The following SLC35F4 variants were observed in gnomAD, a reference collection of about 807,000 sequenced individuals.
SLC35F4 encodes the protein solute carrier family 35 member F4, also known as chromosome 14 open reading frame 36.
A neutral mutation model predicts 44.2 loss-of-function variants in SLC35F4; 24 were observed. That is an observed-to-expected ratio of 0.54 (90% confidence interval 0.39 to 0.76). The LOEUF (loss-of-function observed/expected upper bound fraction) is 0.76, where lower values mean the gene tolerates loss of function less well. Among genes scored for constraint, SLC35F4 ranks in the 30% least tolerant of loss-of-function variants. The probability of loss-of-function intolerance (pLI) is 0.00; values close to 1 mark genes in which losing one functional copy is unlikely to be tolerated. For synonymous variants in SLC35F4, 238 were observed against 223.6 expected (o/e 1.06, Z -0.57); for missense variants, 562 against 586.1 (o/e 0.96, Z 0.42).
intron 1 of SLC35F4, among the ~76,000 whole-genome samples, chr14:57,821,604 T>G (rs2140911707): frequency 6.6e-6 from 1 of 152,334 alleles, no homozygotes. Flanking sequence ...CAAGTAAAGT[T>G]TATCCGTGGA....
chr14:57,944,779 A>G (rs1269908263), intron 1 of SLC35F4, among the ~76,000 whole-genome samples: 1 of 151,852 alleles, frequency 6.6e-6, no homozygotes, highest in Non-Finnish European at 1.5e-5. Flanking sequence ...AAGAAAAGAA[A>G]AAAGAAAAGA....
In SLC35F4 at chr14:57,895,581, A is replaced by ACT. The variant is rs373339951; in HGVS notation, n.282+86330_282+86331dup. Among the ~76,000 whole-genome samples the ACT allele has an allele frequency of 6.0e-3, 785 of 131,738 alleles. 8 individuals carry two copies. The highest frequency in any genetic ancestry group is 0.024 in the Middle Eastern group (6 of 252). 86.4% of individuals were successfully genotyped at this position (131,738 alleles called of 152,430 possible). ...CTTACCCCTTCTCTCTCGCTCTCTC[A>ACT]CTCTCTCTCTCTCTCTCTCTCTGTC... On this transcript the variant is annotated intron_variant and non_coding_transcript_variant, in intron 1 of 1. Coordinates refer to the SLC35F4 transcript ENST00000556568.
At chr14:57,582,349 C>G (rs1034050498) in intron 3 of SLC35F4, among the ~76,000 whole-genome samples, 2 of 152,134 alleles carry the variant, frequency 1.3e-5, no homozygotes, top group African/African-American at 4.8e-5. Context: ...GCACGCACCA[C>G]CATGCCAGGC....
At chr14:57,572,264 A>T (rs771156599) in intron 4 of SLC35F4, among the ~76,000 whole-genome samples, 3 of 152,098 alleles carry the variant, frequency 2.0e-5, no homozygotes, top group African/African-American at 7.2e-5. Flanking sequence ...TTTTTAATAT[A>T]TTTTTACTTT....
intron 1 of SLC35F4, among the ~76,000 whole-genome samples, chr14:57,744,379 C>G (rs557302104): frequency 1.3e-5 from 2 of 152,294 alleles, no homozygotes; most frequent in South Asian, 4.1e-4. Context: ...TCAGCAAAGT[C>G]TCAGGATACA....
At chr14:57,598,434 C>T (rs1156543396) in intron 1 of SLC35F4, among the ~76,000 whole-genome samples, 1 of 152,098 alleles carries the variant, frequency 6.6e-6, no homozygotes, top group Non-Finnish European at 1.5e-5. Flanking sequence ...TTAGGAACTT[C>T]AAAGCGAAAA....
chr14:57,676,761 A>C (rs1205460927), intron 1 of SLC35F4, among the ~76,000 whole-genome samples: 1 of 152,056 alleles, frequency 6.6e-6, no homozygotes, highest in East Asian at 1.9e-4. Flanking sequence ...GTCAAAAAAC[A>C]ATGGCTGTTG....
chr14:57,661,161 G>A (rs2074125358), intron 1 of SLC35F4, among the ~76,000 whole-genome samples: 1 of 152,120 alleles, frequency 6.6e-6, no homozygotes, highest in African/African-American at 2.4e-5. Flanking sequence ...AATTTACAGA[G>A]TCAAATGACT....
chr14:57,884,372 C>A (rs1888603285), intron 1 of SLC35F4, among the ~76,000 whole-genome samples: 2 of 152,112 alleles, frequency 1.3e-5, no homozygotes, highest in South Asian at 4.1e-4. Context: ...TAAATGTAAT[C>A]CCACTCCCTC....
At chr14:57,724,943 T>C (rs1454244636) in intron 1 of SLC35F4, among the ~76,000 whole-genome samples, 2 of 152,050 alleles carry the variant, frequency 1.3e-5, no homozygotes, top group African/African-American at 2.4e-5. Flanking sequence ...CTGTAGCCAA[T>C]GGTTTGGCTT....
chr14:57,871,743 A>C (rs1595259189), intron 1 of SLC35F4, among the ~76,000 whole-genome samples: 4 of 152,324 alleles, frequency 2.6e-5, no homozygotes, highest in African/African-American at 9.6e-5. Context: ...GTTGTGAACA[A>C]AAAAGCAATT....
chr14:57,959,660 G>A (rs1221253761), intron 1 of SLC35F4, among the ~76,000 whole-genome samples: 1 of 152,112 alleles, frequency 6.6e-6, no homozygotes, highest in East Asian at 1.9e-4. Context: ...TCAACACCCC[G>A]AGACCTGTGA....
intron 1 of SLC35F4, among the ~76,000 whole-genome samples, chr14:57,696,330 T>C (rs2075383072): frequency 6.6e-6 from 1 of 152,188 alleles, no homozygotes; most frequent in South Asian, 2.1e-4. Context: ...TCATCATCAC[T>C]GGTCATTAGA....
intron 1 of SLC35F4, among the ~76,000 whole-genome samples, chr14:57,759,592 T>G (rs1956684): frequency 0.42 from 64,000 of 151,996 alleles, 13,623 homozygotes; most frequent in South Asian, 0.49. Flanking sequence ...AAATTCTTTT[T>G]TAGGGAACTG....
chr14:57,781,497 C>G (rs1431391133), intron 1 of SLC35F4, among the ~76,000 whole-genome samples: 1 of 152,118 alleles, frequency 6.6e-6, no homozygotes, highest in African/African-American at 2.4e-5. Context: ...TTGTAGAAAG[C>G]AGTGTGATGA....
At chr14:57,926,532 G>A (rs1038303233) in intron 1 of SLC35F4, among the ~76,000 whole-genome samples, 1 of 152,062 alleles carries the variant, frequency 6.6e-6, no homozygotes, top group Non-Finnish European at 1.5e-5. Flanking sequence ...TGATAAAAAA[G>A]CAACCTGATA....
chr14:57,766,602 C>T (rs924179157), intron 1 of SLC35F4, among the ~76,000 whole-genome samples: 9 of 152,184 alleles, frequency 5.9e-5, no homozygotes, highest in Non-Finnish European at 1.2e-4. Context: ...CAGTGTATGA[C>T]AGTCAGGTGC....
chr14:57,658,925 G>A lies in SLC35F4; in HGVS notation c.104-64801C>T, dbSNP rs1594731343. ...TTATAGATTTAGAAATAGAACCTTC[G>A]AGTAGGAAGAAGTCAGCAAGACCCA... On this transcript the variant is annotated intron_variant, in intron 1 of 7. Coordinates refer to ENST00000556826, the MANE Select transcript of SLC35F4 (RefSeq NM_001306087.2). 2.6e-5 allele frequency among the ~76,000 whole-genome samples: 4 copies of A among 152,192 alleles called. No homozygotes were observed. The South Asian group carries it at 8.3e-4, about 32-fold the overall frequency.
At chr14:57,816,100 T>C (rs139324019) in intron 1 of SLC35F4, among the ~76,000 whole-genome samples, 35 of 152,282 alleles carry the variant, frequency 2.3e-4, no homozygotes, top group African/African-American at 7.9e-4. Context: ...TTATATTGTC[T>C]CTGAGTGGAG....
Sources: allele counts gnomAD v4.1 joint callset (sites outside exome capture counted in the v4.1 genomes callset), GRCh38; gene constraint gnomAD v4.1.1; transcripts MANE v1.5; gene names NCBI Gene and HGNC (gene_info 2026-07-23, HGNC 2026-07-21).